The following PCDH9 variants were observed in gnomAD, a reference collection of about 807,000 sequenced individuals.
The protein encoded by PCDH9 is protocadherin-9.
Under a neutral mutation model 70.6 loss-of-function variants are expected in PCDH9, and 24 were observed. That is an observed-to-expected ratio of 0.34 (90% CI 0.25 to 0.48). PCDH9 has a LOEUF of 0.48. Among genes scored for constraint, PCDH9 ranks in the 20% least tolerant of loss-of-function variants. The pLI, the probability that PCDH9 is intolerant of heterozygous loss-of-function variation, is 0.99. For synonymous variants in PCDH9, 562 were observed against 558.5 expected (o/e 1.01, Z -0.09); for missense variants, 1,281 against 1,503.6 (o/e 0.85, Z 2.45).
intron 3 of PCDH9, among the ~76,000 whole-genome samples, chr13:66,742,473 A>G (rs1422544459): frequency 6.8e-6 from 1 of 146,746 alleles, no homozygotes; most frequent in Non-Finnish European, 1.5e-5. Flanking sequence ...CAATGGCAAC[A>G]AAAGCTAAAA....
At chr13:67,058,789 G>T (rs1245806018) in intron 2 of PCDH9, among the ~76,000 whole-genome samples, 1 of 152,112 alleles carries the variant, frequency 6.6e-6, no homozygotes, top group African/African-American at 2.4e-5. Flanking sequence ...GAGACCACCT[G>T]GCAAGGGAAG....
At chr13:66,781,740 T>A (rs557783481) in intron 3 of PCDH9, among the ~76,000 whole-genome samples, 2 of 152,280 alleles carry the variant, frequency 1.3e-5, no homozygotes, top group East Asian at 3.9e-4. Flanking sequence ...TTTGGATGCT[T>A]CAAGTGTCAT....
At chr13:67,181,451 C>G (rs1002272479) in intron 2 of PCDH9, among the ~76,000 whole-genome samples, 19 of 152,118 alleles carry the variant, frequency 1.2e-4, no homozygotes, top group African/African-American at 2.4e-4. Context: ...AAAAATCACA[C>G]AGACCGTTTT....
chr13:66,956,368 C>A (rs573263125), intron 2 of PCDH9, among the ~76,000 whole-genome samples: 2 of 152,190 alleles, frequency 1.3e-5, no homozygotes, highest in East Asian at 3.9e-4. Context: ...ACTGAGCCCC[C>A]GACAATAATG....
intron 3 of PCDH9, among the ~76,000 whole-genome samples, chr13:66,646,102 A>G (rs968477214): frequency 6.6e-6 from 1 of 152,238 alleles, no homozygotes; most frequent in African/African-American, 2.4e-5. Context: ...TCCCTGGAAT[A>G]AAACTAACAA....
At chr13:67,164,624 C>T (rs2088058936) in intron 2 of PCDH9, among the ~76,000 whole-genome samples, 1 of 151,916 alleles carries the variant, frequency 6.6e-6, no homozygotes, top group Non-Finnish European at 1.5e-5. Flanking sequence ...CATTTGACTC[C>T]AGCCTTGTGA....
intron 3 of PCDH9, among the ~76,000 whole-genome samples, chr13:66,772,427 T>A (rs186294378): frequency 6.6e-6 from 1 of 152,246 alleles, no homozygotes; most frequent in Non-Finnish European, 1.5e-5. Context: ...TATAAAATTA[T>A]CTTTGGATTA....
chr13:66,488,292 C>T (rs541378429), intron 4 of PCDH9, among the ~76,000 whole-genome samples: 5 of 152,164 alleles, frequency 3.3e-5, no homozygotes, highest in South Asian at 2.1e-4. Flanking sequence ...GAGAGATGAC[C>T]TCTAGAAATT....
At chr13:66,669,382 G>T (rs890381092) in intron 3 of PCDH9, among the ~76,000 whole-genome samples, 1 of 152,168 alleles carries the variant, frequency 6.6e-6, no homozygotes, top group Non-Finnish European at 1.5e-5. Flanking sequence ...TGTCGGAATT[G>T]TCTAACTTAA....
intron 2 of PCDH9, among the ~76,000 whole-genome samples, chr13:67,043,534 A>T (rs945266305): frequency 6.6e-5 from 10 of 152,324 alleles, no homozygotes; most frequent in Middle Eastern, 3.4e-3. Flanking sequence ...ATTGGAAATA[A>T]TGTGATAAAA....
rs117416283 is a variant in PCDH9, at chr13:66,898,377, T to A, written c.3138+5127A>T. Among the ~76,000 whole-genome samples the A allele has an allele frequency of 7.5e-3, 1,139 of 152,084 alleles. 15 individuals carry two copies. Among genetic ancestry groups the A allele is most frequent in the Non-Finnish European group, 8.8e-3 (598 of 67,922 alleles). On this transcript the variant is annotated intron_variant, in intron 3 of 4. Transcript: ENST00000377865. Reference sequence around the variant, plus strand: ...AAAAATTTAGTGTTATTAGTAAATATCTATTAATTGTAAATAACTTTATTA... The same window carrying A: ...AAAAATTTAGTGTTATTAGTAAATAACTATTAATTGTAAATAACTTTATTA...
intron 2 of PCDH9, among the ~76,000 whole-genome samples, chr13:67,193,886 T>G (rs1321872142): frequency 6.6e-6 from 1 of 152,164 alleles, no homozygotes; most frequent in African/African-American, 2.4e-5. Flanking sequence ...AAGTCAGATT[T>G]TATTATACAA....
chr13:66,557,730 AAGG>A (rs895023032), intron 4 of PCDH9, among the ~76,000 whole-genome samples: 1 of 152,230 alleles, frequency 6.6e-6, no homozygotes, highest in Non-Finnish European at 1.5e-5. Flanking sequence ...CCAATATCTG[AAGG>A]AGAAGATGTG....
chr13:66,504,489 G>T (rs1223451554), intron 4 of PCDH9, among the ~76,000 whole-genome samples: 6 of 152,064 alleles, frequency 3.9e-5, no homozygotes, highest in African/African-American at 1.4e-4. Context: ...GTAAGCCCAG[G>T]TAAGACTAGC....
At chr13:66,954,468 C>T (rs758532772) in intron 2 of PCDH9, among the ~76,000 whole-genome samples, 7 of 152,122 alleles carry the variant, frequency 4.6e-5, no homozygotes, top group Admixed American at 3.3e-4. Context: ...TTACCCTAAA[C>T]ATTGGATAAG....
chr13:66,884,789 C>T (rs375893589), intron 3 of PCDH9, among the ~76,000 whole-genome samples: 51 of 152,118 alleles, frequency 3.4e-4, no homozygotes, highest in African/African-American at 1.1e-3. Context: ...TTTTTCATCT[C>T]CCAAAACATT....
intron 3 of PCDH9, among the ~76,000 whole-genome samples, chr13:66,706,460 T>G (rs12874983): frequency 0.31 from 47,062 of 152,104 alleles, 8,247 homozygotes; most frequent in East Asian, 0.51. Context: ...TTTATTAGGA[T>G]CTCATCAACT....
chr13:67,195,932 T>TA (rs1011249723), intron 2 of PCDH9, among the ~76,000 whole-genome samples: 3 of 152,190 alleles, frequency 2.0e-5, no homozygotes, highest in African/African-American at 7.2e-5. Flanking sequence ...ATATGTTTAC[T>TA]AAACATTATG....
At chr13:66,779,327 C>T (rs1351201406) in intron 3 of PCDH9, among the ~76,000 whole-genome samples, 2 of 151,952 alleles carry the variant, frequency 1.3e-5, no homozygotes, top group African/African-American at 4.8e-5. Context: ...GATATAGAAA[C>T]AACCTAAGTG....
Sources: gnomAD v4.1 joint callset for allele counts (sites outside exome capture counted in the v4.1 genomes callset) on GRCh38, gnomAD v4.1.1 for gene constraint, MANE v1.5 for transcripts, NCBI Gene and HGNC (gene_info 2026-07-23, HGNC 2026-07-21) for gene names.